The following PPP1R9A variants were observed in gnomAD, a reference collection of about 807,000 sequenced individuals.
The protein encoded by PPP1R9A is protein phosphatase 1 regulatory subunit 9A.
In PPP1R9A, 59 loss-of-function variants were observed where a neutral mutation model predicts 141.9. That is an observed-to-expected ratio of 0.42 (90% CI 0.34 to 0.52). PPP1R9A has a LOEUF of 0.52. Among genes scored for constraint, PPP1R9A ranks in the 20% least tolerant of loss-of-function variants. The pLI is 0.10. For missense variants in PPP1R9A, 1,444 were observed against 1,611.9 expected (o/e 0.90, Z 1.78); for synonymous variants, 500 against 569.7 (o/e 0.88, Z 1.74).
intron 2 of PPP1R9A, among the ~76,000 whole-genome samples, chr7:95,102,644 T>C (rs985073889): frequency 6.6e-6 from 1 of 152,212 alleles, no homozygotes; most frequent in Non-Finnish European, 1.5e-5. Flanking sequence ...GGCTTTTTCT[T>C]TTCTAAGCTA....
At chr7:95,153,864 G>T (rs1829141552) in intron 4 of PPP1R9A, among the ~76,000 whole-genome samples, 1 of 152,084 alleles carries the variant, frequency 6.6e-6, no homozygotes, top group East Asian at 1.9e-4. Context: ...TTCACTCTCA[G>T]TAGGCTATAT....
chr7:94,996,284 A>G (rs1195608399), intron 2 of PPP1R9A, among the ~76,000 whole-genome samples: 1 of 152,222 alleles, frequency 6.6e-6, no homozygotes, highest in East Asian at 1.9e-4. Context: ...TATACAGAAC[A>G]TAGAAAATAT....
chr7:95,268,243 A>G (rs974580188), intron 12 of PPP1R9A, among the ~76,000 whole-genome samples: 17 of 152,152 alleles, frequency 1.1e-4, no homozygotes, highest in Non-Finnish European at 2.4e-4. Context: ...CCCAACATGC[A>G]TACACATAAA....
chr7:95,033,021 T>G (rs1033600077), intron 2 of PPP1R9A, among the ~76,000 whole-genome samples: 9 of 152,028 alleles, frequency 5.9e-5, no homozygotes, highest in Non-Finnish European at 1.5e-5. Flanking sequence ...TTTTTTTATT[T>G]TGAGACAGAG....
chr7:95,280,849 G>C (rs1167091138), intron 16 of PPP1R9A, among the ~76,000 whole-genome samples: 1 of 152,048 alleles, frequency 6.6e-6, no homozygotes, highest in Non-Finnish European at 1.5e-5. Context: ...AAGGGAGGGA[G>C]GAAGCAAATA....
chr7:94,963,661 C>T (rs1280870604), intron 2 of PPP1R9A, among the ~76,000 whole-genome samples: 1 of 152,108 alleles, frequency 6.6e-6, no homozygotes, highest in Non-Finnish European at 1.5e-5. Context: ...CATGGATATA[C>T]ATGTTGAGTT....
At chr7:95,268,431 GT>G (rs1801634287) in intron 12 of PPP1R9A, 118 bp from the exon 13 acceptor site, 49 of 1,079,124 alleles carry the variant, frequency 4.5e-5, no homozygotes, top group Non-Finnish European at 6.4e-5. Context: ...GGCTGTCATG[GT>G]GGTCACCTGA....
chr7:95,030,576 A>C (rs1366349475), intron 2 of PPP1R9A, among the ~76,000 whole-genome samples: 1 of 152,080 alleles, frequency 6.6e-6, no homozygotes, highest in East Asian at 1.9e-4. Context: ...TCCTAGAGGC[A>C]AATATTTTGG....
intron 1 of PPP1R9A, chr7:94,907,918 G>A (rs1186691134): frequency 2.0e-5 from 3 of 147,648 alleles, no homozygotes; most frequent in African/African-American, 4.9e-5. Context: ...CGCCTCCCGG[G>A]GCCGCCCGCC....
chr7:95,163,170 T>C lies in PPP1R9A; in HGVS notation c.1754+1199T>C, dbSNP rs532014125. ...ATAGGTAAGATATACATTCAACTCA[T>C]AAGAACATTTCTCAGTTGGAAAAGA... On this transcript the variant is annotated intron_variant, in intron 5 of 19. Transcript: ENST00000433360. 2.0e-5 allele frequency among the ~76,000 whole-genome samples: 3 copies of C among 152,354 alleles called. No homozygotes were observed. The East Asian group carries it at 5.8e-4, about 29-fold the overall frequency.
chr7:95,056,704 C>T (rs1202810442), intron 2 of PPP1R9A, among the ~76,000 whole-genome samples: 1 of 152,106 alleles, frequency 6.6e-6, no homozygotes, highest in Admixed American at 6.6e-5. Context: ...ATGGCATTTA[C>T]AGCTGTATGT....
chr7:95,125,488 G>C (rs1402933997), intron 4 of PPP1R9A, among the ~76,000 whole-genome samples: 1 of 152,104 alleles, frequency 6.6e-6, no homozygotes, highest in Non-Finnish European at 1.5e-5. Flanking sequence ...GGATTGCACA[G>C]AGGACACTTT....
At chr7:94,982,531 A>G (rs1232540548) in intron 2 of PPP1R9A, among the ~76,000 whole-genome samples, 1 of 152,074 alleles carries the variant, frequency 6.6e-6, no homozygotes, top group Admixed American at 6.5e-5. Flanking sequence ...CTGGCATGAG[A>G]TGGTATCTCA....
chr7:95,080,466 C>A (rs910219294), intron 2 of PPP1R9A, among the ~76,000 whole-genome samples: 2 of 152,160 alleles, frequency 1.3e-5, no homozygotes, highest in African/African-American at 4.8e-5. Flanking sequence ...AAGAACATTC[C>A]ATGCTCATGG....
At chr7:95,160,139 A>G (rs1051548311) in intron 4 of PPP1R9A, among the ~76,000 whole-genome samples, 2 of 152,184 alleles carry the variant, frequency 1.3e-5, no homozygotes, top group South Asian at 2.1e-4. Flanking sequence ...AACAGTATCA[A>G]TACATACAAT....
intron 2 of PPP1R9A, among the ~76,000 whole-genome samples, chr7:94,928,608 C>A (rs1053446353): frequency 6.6e-6 from 1 of 152,330 alleles, no homozygotes; most frequent in African/African-American, 2.4e-5. Flanking sequence ...CACCTCACCA[C>A]CTACAGTCAT....
At chr7:94,917,574 ATTTT>A (rs558296990) in intron 2 of PPP1R9A, among the ~76,000 whole-genome samples, 2 of 140,210 alleles carry the variant, frequency 1.4e-5, no homozygotes, top group Middle Eastern at 3.8e-3. Flanking sequence ...GCCTGTTATT[ATTTT>A]TTTTTTTTTT....
intron 12 of PPP1R9A, among the ~76,000 whole-genome samples, chr7:95,267,239 T>C (rs1290670396): frequency 1.3e-5 from 2 of 152,112 alleles, no homozygotes; most frequent in Non-Finnish European, 2.9e-5. Flanking sequence ...ACATCTAGAA[T>C]AATGCTGTAA....
At chr7:95,147,105 T>C (rs996782521) in intron 4 of PPP1R9A, among the ~76,000 whole-genome samples, 4 of 152,260 alleles carry the variant, frequency 2.6e-5, no homozygotes, top group African/African-American at 9.6e-5. Context: ...ATTTTCATGA[T>C]ATTGATTCTT....
Sources: allele counts gnomAD v4.1 joint callset (sites outside exome capture counted in the v4.1 genomes callset), GRCh38; gene constraint gnomAD v4.1.1; transcripts MANE v1.5; gene names NCBI Gene and HGNC (gene_info 2026-07-23, HGNC 2026-07-21).